The following ZNF133 variants were observed in gnomAD, a reference collection of about 807,000 sequenced individuals.
The protein encoded by ZNF133 is zinc finger protein 133 (clone pHZ-13).
Under a neutral mutation model 54.9 loss-of-function variants are expected in ZNF133, and 26 were observed. The ratio of observed to expected loss-of-function variants is 0.47; its 90% confidence interval spans 0.35 to 0.66. The LOEUF (loss-of-function observed/expected upper bound fraction) is 0.66. Ranked by LOEUF, ZNF133 falls within the 30% of genes least tolerant of loss-of-function variation. ZNF133 has a pLI of 0.01. For missense variants in ZNF133, 653 were observed against 820.8 expected (o/e 0.80, Z 2.50); for synonymous variants, 298 against 320.3 (o/e 0.93, Z 0.74).
intron 1 of ZNF133, among the ~76,000 whole-genome samples, chr20:18,293,451 G>A (rs537132189): frequency 2.6e-5 from 4 of 152,208 alleles, no homozygotes; most frequent in African/African-American, 7.2e-5. Flanking sequence ...TACGTGGTAC[G>A]TTAGAGCTCC....
In ZNF133 at chr20:18,316,503, T is replaced by C; in HGVS notation, c.1652T>C (p.Met551Thr). The change falls in exon 7 of 7, where the codon ATG (methionine) becomes ACG (threonine). Residue 551 changes from methionine to threonine, a missense_variant. By Grantham distance (81) the Met-to-Thr change is moderately conservative. Coordinates refer to ENST00000425686, the MANE Select transcript of ZNF133 (RefSeq NM_001352452.2). ...KRKHSREKPY[M>T]CRQCGLGFGN... is the part of the protein sequence containing the mutation. ...AAGCACTCGAGGGAGAAGCCCTACA[T>C]GTGCAGGCAGTGTGGACTGGGCTTT... The C allele has an allele frequency of 6.2e-7, 1 of 1,614,234 alleles. No homozygotes were observed. Among genetic ancestry groups the C allele is most frequent in the Non-Finnish European group, 8.5e-7 (1 of 1,180,042 alleles).
At chr20:18,302,764 G>A (rs2043673909) in intron 3 of ZNF133, among the ~76,000 whole-genome samples, 1 of 152,192 alleles carries the variant, frequency 6.6e-6, no homozygotes, top group African/African-American at 2.4e-5. Flanking sequence ...TGCAGGTGGC[G>A]TGATCTTAAA....
At chr20:18,309,918 T>A (rs188963968) in intron 6 of ZNF133, among the ~76,000 whole-genome samples, 9 of 152,300 alleles carry the variant, frequency 5.9e-5, no homozygotes, top group African/African-American at 2.2e-4. Context: ...ATGGAAGGAA[T>A]GTTGGACAGA....
At position 18,298,044 on chromosome 20, in the gene ZNF133, C is replaced by T; in HGVS notation, c.-372C>T. The T allele has an allele frequency of 6.5e-7, 1 of 1,535,460 alleles. No individual in the cohort carries two copies. On this transcript the variant is annotated 5_prime_UTR_variant, in exon 2 of 7. Transcript: ENST00000425686. ...GATAAGGAAAAAAAGCCACAGGGTC[C>T]CGGAGAGCCAGGGGAATGGTGAGTG... is the stretch of plus-strand genomic sequence containing the variant.
rs2147439977 is a variant in ZNF133, at chr20:18,305,608, CT to C, written c.-6-71del. ...TCTCACCTGCCTCCCCCAGGGCAGC[CT>C]TATCCCTGCCCCTCACCCTGCCATG... On this transcript the variant is annotated intron_variant, in intron 4 of 6. Transcript: ENST00000425686. This position sits in a 1 kb window ranked among gnomAD's most constrained non-coding sequence, Gnocchi z 4.7. The C allele has an allele frequency of 6.2e-7, 1 of 1,608,680 alleles. No homozygotes were observed. Among genetic ancestry groups the C allele is most frequent in the South Asian group, 1.1e-5 (1 of 90,644 alleles).
intron 6 of ZNF133, chr20:18,310,327 G>T (rs1171287736): frequency 6.5e-7 from 1 of 1,528,074 alleles, no homozygotes. Flanking sequence ...CATCTTAACG[G>T]TTTCATTATT....
intron 1 of ZNF133, among the ~76,000 whole-genome samples, chr20:18,294,848 G>A (rs545238648): frequency 3.5e-4 from 53 of 152,226 alleles, no homozygotes; most frequent in African/African-American, 1.2e-3. Flanking sequence ...TTGTTATTGC[G>A]ATGTTGGAGT....
At chr20:18,292,567 C>A (rs761761566) in intron 1 of ZNF133, among the ~76,000 whole-genome samples, 2 of 152,198 alleles carry the variant, frequency 1.3e-5, no homozygotes, top group Non-Finnish European at 2.9e-5. Flanking sequence ...CTTCCCAAAT[C>A]ACCCTATCTA....
intron 6 of ZNF133, chr20:18,306,825 T>C (rs1240406968): frequency 4.3e-6 from 5 of 1,160,974 alleles, no homozygotes; most frequent in Non-Finnish European, 5.5e-6. Flanking sequence ...CTGTGAGCTA[T>C]TCAAGAATGG....
chr20:18,291,304 A>G (rs563807460), intron 1 of ZNF133, among the ~76,000 whole-genome samples: 1 of 152,292 alleles, frequency 6.6e-6, no homozygotes, highest in Non-Finnish European at 1.5e-5. Context: ...AGGCTTTTTC[A>G]AGTGACACCA....
At chr20:18,299,674 G>A (rs931817427) in intron 3 of ZNF133, among the ~76,000 whole-genome samples, 15 of 152,074 alleles carry the variant, frequency 9.9e-5, no homozygotes, top group Admixed American at 5.9e-4. Flanking sequence ...GGTAACAGAG[G>A]GATTTTTGAA....
rs2047379705 is a variant in ZNF133 at position 18,316,036 on chromosome 20, C to T, written c.1185C>T (p.Thr395=). 5.0e-6 allele frequency: 8 copies of T among 1,608,944 alleles called. No individual in the cohort carries two copies. Among genetic ancestry groups the T allele is most frequent in the Non-Finnish European group, 6.8e-6 (8 of 1,178,632 alleles). ...KECGRCFRQR[T]TLVNHQRTHS... The stretch of plus-strand genomic sequence containing the variant: ...GTGGGCGATGCTTCAGGCAGAGGAC[C>T]ACCCTTGTCAACCACCAGAGGACAC... The change falls in exon 7 of 7, where the codon ACC becomes ACT. Residue 395 remains threonine (T), a synonymous_variant. Transcript: ENST00000425686.
At chr20:18,299,862 C>T (rs1367977697) in intron 3 of ZNF133, among the ~76,000 whole-genome samples, 1 of 152,170 alleles carries the variant, frequency 6.6e-6, no homozygotes, top group Non-Finnish European at 1.5e-5. Context: ...CAAAACTGCC[C>T]TTCATTACTG....
intron 1 of ZNF133, chr20:18,289,835 C>T (rs1034689237): frequency 3.3e-5 from 5 of 152,270 alleles, no homozygotes; most frequent in Non-Finnish European, 5.9e-5. Context: ...TGCTTTCAAC[C>T]TGTACCCCAG....
chr20:18,303,047 CTATT>C (rs1025802090), intron 3 of ZNF133, among the ~76,000 whole-genome samples: 6 of 151,140 alleles, frequency 4.0e-5, no homozygotes, highest in Non-Finnish European at 7.4e-5. Context: ...GACTGGAAAA[CTATT>C]TTTTTTTTTT....
intron 6 of ZNF133, among the ~76,000 whole-genome samples, chr20:18,311,147 C>A (rs1041201296): frequency 6.6e-6 from 1 of 152,030 alleles, no homozygotes; most frequent in Non-Finnish European, 1.5e-5. Flanking sequence ...TAGCGAGACT[C>A]TGTCTCTAAA....
At chr20:18,312,374 C>G (rs1362863021) in intron 6 of ZNF133, among the ~76,000 whole-genome samples, 1 of 152,164 alleles carries the variant, frequency 6.6e-6, no homozygotes, top group Non-Finnish European at 1.5e-5. Flanking sequence ...CATATCAGAA[C>G]CAAGTTTTAT....
rs2047539005 is a variant in ZNF133, at chr20:18,316,506, G to C, written c.1655G>C (p.Cys552Ser). ...RKHSREKPYM[C>S]RQCGLGFGNK... ...CACTCGAGGGAGAAGCCCTACATGT[G>C]CAGGCAGTGTGGACTGGGCTTTGGC... The change falls in exon 7 of 7, where the codon TGC becomes TCC. Residue 552 changes from cysteine (C) to serine (S), a missense_variant. Cys to Ser is a moderately radical substitution (Grantham distance 112). Coordinates refer to ENST00000425686, the MANE Select transcript of ZNF133 (RefSeq NM_001352452.2). The C allele has an allele frequency of 6.2e-7, 1 of 1,614,122 alleles. No individual in the cohort carries two copies. Among genetic ancestry groups the C allele is most frequent in the African/African-American group, 1.3e-5 (1 of 74,942 alleles).
At chr20:18,294,265 T>A (rs1171888375) in intron 1 of ZNF133, among the ~76,000 whole-genome samples, 2 of 152,096 alleles carry the variant, frequency 1.3e-5, no homozygotes, top group African/African-American at 2.4e-5. Context: ...GTTCTAATCA[T>A]GAAAAAACAT....
Sources: gnomAD v4.1 joint callset for allele counts (sites outside exome capture counted in the v4.1 genomes callset) on GRCh38, gnomAD v4.1.1 for gene constraint, Gnocchi (gnomAD v3.1) non-coding constraint, MANE v1.5 for transcripts, NCBI Gene and HGNC (gene_info 2026-07-23, HGNC 2026-07-21) for gene names.